WNT3: variants seen among roughly 807,000 people sequenced by gnomAD.
WNT3 encodes Wnt family member 3, also known as proto-oncogene Wnt-3.
Under a neutral mutation model 34.2 loss-of-function variants are expected in WNT3, and 7 were observed. That is an observed-to-expected ratio of 0.20 (90% confidence interval 0.12 to 0.38). The LOEUF is 0.38. Ranked by LOEUF, WNT3 falls within the 10% of genes least tolerant of loss-of-function variation. WNT3 has a pLI of 1.00. For synonymous variants in WNT3, 212 were observed against 211.5 expected (o/e 1.00, Z -0.02); for missense variants, 267 against 499.8 (o/e 0.53, Z 4.44).
At chr17:46,790,795 G>A (rs934620898) in intron 1 of WNT3, among the ~76,000 whole-genome samples, 9 of 152,168 alleles carry the variant, frequency 5.9e-5, no homozygotes, top group Non-Finnish European at 1.0e-4. Flanking sequence ...CTCCGTTTCC[G>A]TCCACCTTGG....
chr17:46,783,243 G>A (rs1395937626), intron 1 of WNT3, among the ~76,000 whole-genome samples: 8 of 152,216 alleles, frequency 5.3e-5, no homozygotes, highest in African/African-American at 7.2e-5. Context: ...GCAGCTGCCC[G>A]GGCTCTAAGC....
chr17:46,769,136 G>A (rs531432801), intron 3 of WNT3, among the ~76,000 whole-genome samples: 33 of 152,162 alleles, frequency 2.2e-4, no homozygotes, highest in Admixed American at 1.2e-3. Context: ...GGCCAACATG[G>A]CGAAACCCCG....
intron 1 of WNT3, among the ~76,000 whole-genome samples, chr17:46,810,254 C>T (rs533904933): frequency 3.9e-5 from 6 of 152,064 alleles, no homozygotes; most frequent in Non-Finnish European, 7.4e-5. Flanking sequence ...GTGATCCACC[C>T]GCCTCGGCCT....
At chr17:46,790,470 G>A (rs2083970296) in intron 1 of WNT3, among the ~76,000 whole-genome samples, 1 of 151,996 alleles carries the variant, frequency 6.6e-6, no homozygotes, top group South Asian at 2.1e-4. Context: ...CCTCAAGGTT[G>A]AGAAGCACTG....
chr17:46,812,076 C>G (rs1272648467), intron 1 of WNT3, among the ~76,000 whole-genome samples: 1 of 152,350 alleles, frequency 6.6e-6, no homozygotes, highest in Non-Finnish European at 1.5e-5. Context: ...TCCAGCCCGT[C>G]GCCATCCAGT....
rs921800150 is a variant in WNT3, at chr17:46,762,772, C to T, written c.*1858G>A. On this transcript the variant is annotated 3_prime_UTR_variant, in exon 5 of 5. Transcript: ENST00000225512. ...GTTGGATACTATTACCTGACTACGG[C>T]GAGAATCATTACAATGCACTCATGT... 2 of 151,968 alleles carry T rather than the reference C, an allele frequency of 1.3e-5. No homozygotes were observed. Among genetic ancestry groups the T allele is most frequent in the African/African-American group, 4.8e-5 (2 of 41,350 alleles). 9.4% of individuals were successfully genotyped at this position (151,968 alleles called of 1,614,324 possible). A position where few individuals can be genotyped will look rare whatever the true frequency, so the allele number is the denominator to read the frequency against.
chr17:46,816,038 T>C (rs1425565896), intron 1 of WNT3, among the ~76,000 whole-genome samples: 1 of 152,058 alleles, frequency 6.6e-6, no homozygotes, highest in Non-Finnish European at 1.5e-5. Context: ...GTCATGGCCA[T>C]GAGCACTGAT....
At chr17:46,792,816 A>G (rs1328713040) in intron 1 of WNT3, among the ~76,000 whole-genome samples, 1 of 152,196 alleles carries the variant, frequency 6.6e-6, no homozygotes, top group Non-Finnish European at 1.5e-5. Context: ...TTGAGGCCTG[A>G]CTATGTGCCA....
At chr17:46,788,198 C>A (rs2146416413) in intron 1 of WNT3, among the ~76,000 whole-genome samples, 1 of 152,330 alleles carries the variant, frequency 6.6e-6, no homozygotes, top group East Asian at 1.9e-4. Flanking sequence ...CCATCTGTTT[C>A]TTTGCCTCCC....
At chr17:46,796,046 A>C (rs2084049877) in intron 1 of WNT3, among the ~76,000 whole-genome samples, 1 of 151,942 alleles carries the variant, frequency 6.6e-6, no homozygotes, top group African/African-American at 2.4e-5. Context: ...GAAACAGAGG[A>C]GCTGTCCCAT....
chr17:46,795,015 T>C (rs2084035783), intron 1 of WNT3, among the ~76,000 whole-genome samples: 1 of 152,100 alleles, frequency 6.6e-6, no homozygotes, highest in Admixed American at 6.5e-5. Context: ...CCTCCCAAAA[T>C]ACTGGGATTA....
intron 1 of WNT3, among the ~76,000 whole-genome samples, chr17:46,808,681 C>T (rs967457733): frequency 3.3e-5 from 5 of 152,188 alleles, no homozygotes; most frequent in Non-Finnish European, 7.3e-5. Context: ...GATAGAGAAA[C>T]AACTTCTGCC....
intron 1 of WNT3, among the ~76,000 whole-genome samples, chr17:46,791,562 C>T (rs2146424107): frequency 6.6e-6 from 1 of 152,294 alleles, no homozygotes; most frequent in East Asian, 1.9e-4. Flanking sequence ...GCCTCACCTC[C>T]TCTCCCACTC....
At chr17:46,786,775 T>C (rs1407983946) in intron 1 of WNT3, among the ~76,000 whole-genome samples, 1 of 152,136 alleles carries the variant, frequency 6.6e-6, no homozygotes, top group Non-Finnish European at 1.5e-5. Context: ...CCCATCAGTT[T>C]TGGGTGATTG....
At chr17:46,786,033 T>C (rs2059502720) in intron 1 of WNT3, among the ~76,000 whole-genome samples, 1 of 152,208 alleles carries the variant, frequency 6.6e-6, no homozygotes, top group African/African-American at 2.4e-5. Context: ...GTTGTGAGCA[T>C]GAAGTGCTTT....
chr17:46,775,942 C>G (rs2059409038), intron 1 of WNT3, among the ~76,000 whole-genome samples: 1 of 152,190 alleles, frequency 6.6e-6, no homozygotes, highest in East Asian at 1.9e-4. Flanking sequence ...GTGGTAATGG[C>G]TAATTACTGA....
Position 46,769,820 on chromosome 17 carries a change from G to A in WNT3, c.551C>T (p.Ser184Leu). ...DARENRPDAR[S>L]AMNKHNNEAG... ...CTCGTTGTTGTGCTTGTTCATGGCC[G>A]AGCGCGCGTCCGGCCTGTTCTCGCG... is the stretch of plus-strand genomic sequence containing the variant. The change falls in exon 3 of 5, where the codon TCG becomes TTG. Residue 184 changes from serine (S) to leucine (L), a missense_variant. This residue lies in a region of WNT3 where 181 missense variants were observed against 391.3 expected (regional missense o/e 0.46). Transcript: ENST00000225512. 6.2e-7 allele frequency: 1 copy of A among 1,612,874 alleles called. No individual in the cohort carries two copies. The highest frequency in any genetic ancestry group is 1.1e-5 in the South Asian group (1 of 91,064).
chr17:46,804,537 C>T (rs2084168186), intron 1 of WNT3, among the ~76,000 whole-genome samples: 1 of 152,142 alleles, frequency 6.6e-6, no homozygotes, highest in African/African-American at 2.4e-5. Flanking sequence ...TGATGGCAGG[C>T]CCCCTCTTTC....
In WNT3 at chr17:46,780,832, C is replaced by T. The variant is rs557911216; in HGVS notation, c.81-6923G>A. Reference sequence around the variant, plus strand: ...ACAGACACCTGTACACCAGTGTTCACGGCAGTGCTACTCACAGCAGCCAAA... The same window carrying T: ...ACAGACACCTGTACACCAGTGTTCATGGCAGTGCTACTCACAGCAGCCAAA... On this transcript the variant is annotated intron_variant, in intron 1 of 4. Transcript: ENST00000225512. Among the ~76,000 whole-genome samples the T allele has an allele frequency of 2.0e-4, 31 of 152,210 alleles. No homozygotes were observed. The South Asian group carries it at 3.5e-3, about 17-fold the overall frequency.
Sources: gnomAD v4.1 joint callset for allele counts (sites outside exome capture counted in the v4.1 genomes callset) on GRCh38, gnomAD v4.1.1 for gene constraint, gnomAD v4.1.1 regional missense constraint, MANE v1.5 for transcripts, NCBI Gene and HGNC (gene_info 2026-07-23, HGNC 2026-07-21) for gene names.